SPMIP4: variants seen among roughly 807,000 people sequenced by gnomAD.
SPMIP4 encodes sperm-associated microtubule inner protein 4.
chr7:25,154,135 T>G, the SPMIP4 span, among the ~76,000 whole-genome samples: 1 of 152,198 alleles, frequency 6.6e-6, no homozygotes, highest in Non-Finnish European at 1.5e-5. Context: ...TCTTACATAT[T>G]CCACTATGTT....
At chr7:25,164,187 T>C in the SPMIP4 span, among the ~76,000 whole-genome samples, 6 of 152,190 alleles carry the variant, frequency 3.9e-5, no homozygotes, top group Non-Finnish European at 5.9e-5. Flanking sequence ...GTTATACTTA[T>C]GGTTACACTT....
chr7:25,169,368 C>T, the SPMIP4 span, among the ~76,000 whole-genome samples: 1 of 152,272 alleles, frequency 6.6e-6, no homozygotes, highest in South Asian at 2.1e-4. Flanking sequence ...GCTAAGCCAT[C>T]ATCCCCTATA....
the SPMIP4 span, among the ~76,000 whole-genome samples, chr7:25,144,896 C>T: frequency 6.6e-4 from 101 of 152,066 alleles, no homozygotes; most frequent in East Asian, 0.018. Flanking sequence ...AAAGAAAGCC[C>T]CTTTTGATCT....
At chr7:25,174,064 T>A in the SPMIP4 span, among the ~76,000 whole-genome samples, 1 of 152,254 alleles carries the variant, frequency 6.6e-6, no homozygotes, top group Non-Finnish European at 1.5e-5. The surrounding 1 kb of genome is among the most constrained non-coding windows in gnomAD (Gnocchi z 4.5). Context: ...GGCTCCCATT[T>A]GTTTCTGGAT....
the SPMIP4 span, among the ~76,000 whole-genome samples, chr7:25,170,702 T>G: frequency 6.6e-6 from 1 of 152,252 alleles, no homozygotes; most frequent in Non-Finnish European, 1.5e-5. Context: ...AAGTTAATTT[T>G]GGATACAATA....
chr7:25,141,726 T>C, the SPMIP4 span, among the ~76,000 whole-genome samples: 1 of 151,672 alleles, frequency 6.6e-6, no homozygotes, highest in Non-Finnish European at 1.5e-5. Context: ...AAAAAACCAC[T>C]CTGAAGAAGA....
At chr7:25,162,043 G>C in the SPMIP4 span, among the ~76,000 whole-genome samples, 1 of 151,772 alleles carries the variant, frequency 6.6e-6, no homozygotes, top group Admixed American at 6.6e-5. Flanking sequence ...GGCTGAGGTC[G>C]GCGGATCACT....
chr7:25,178,014 G>A, the SPMIP4 span, among the ~76,000 whole-genome samples: 1 of 152,316 alleles, frequency 6.6e-6, no homozygotes, highest in Non-Finnish European at 1.5e-5. Flanking sequence ...TTGTCTCCAT[G>A]TGTACTCAAT....
At chr7:25,167,085 A>G in the SPMIP4 span, among the ~76,000 whole-genome samples, 1 of 152,232 alleles carries the variant, frequency 6.6e-6, no homozygotes, top group African/African-American at 2.4e-5. Context: ...TAATTCTTAT[A>G]AAGTATTGTG....
chr7:25,151,464 C>T, the SPMIP4 span: 1 of 577,856 alleles, frequency 1.7e-6, no homozygotes, highest in Non-Finnish European at 3.1e-6. Context: ...CTCAAGCAAT[C>T]TGCCCACCTT....
At chr7:25,142,949 CTAGT>C in the SPMIP4 span, 2 of 539,790 alleles carry the variant, frequency 3.7e-6, no homozygotes, top group South Asian at 3.7e-5. Flanking sequence ...TCATTAATTA[CTAGT>C]TAATTACTAA....
chr7:25,152,748 CTT>C, the SPMIP4 span, among the ~76,000 whole-genome samples: 15 of 120,346 alleles, frequency 1.2e-4, no homozygotes, highest in Non-Finnish European at 1.5e-4. Context: ...CGTTGTCTCT[CTT>C]TTTTTTTTTT....
At chr7:25,160,680 T>C in the SPMIP4 span, among the ~76,000 whole-genome samples, 1 of 152,202 alleles carries the variant, frequency 6.6e-6, no homozygotes, top group Non-Finnish European at 1.5e-5. Flanking sequence ...AACAAAATAA[T>C]ACACTTGAAA....
chr7:25,167,396 A>G, the SPMIP4 span, among the ~76,000 whole-genome samples: 1 of 152,230 alleles, frequency 6.6e-6, no homozygotes, highest in Non-Finnish European at 1.5e-5. Flanking sequence ...AAGACATTAC[A>G]GTTCCATGAG....
chr7:25,137,528 A>G, the SPMIP4 span, among the ~76,000 whole-genome samples: 2 of 151,986 alleles, frequency 1.3e-5, no homozygotes, highest in Admixed American at 6.6e-5. Context: ...GCCTCAGTGT[A>G]TTGGCAGGGT....
chr7:25,160,487 C>T, the SPMIP4 span, among the ~76,000 whole-genome samples: 2 of 152,066 alleles, frequency 1.3e-5, no homozygotes, highest in African/African-American at 4.8e-5. Flanking sequence ...TTAGTAGAGA[C>T]AGGGTTTCGC....
the SPMIP4 span, among the ~76,000 whole-genome samples, chr7:25,126,797 GTT>G: frequency 1.3e-5 from 2 of 152,160 alleles, no homozygotes; most frequent in Admixed American, 6.5e-5. Flanking sequence ...CCTTCAGGTG[GTT>G]TCTTATTGCT....
the SPMIP4 span, among the ~76,000 whole-genome samples, chr7:25,136,998 A>G: frequency 6.6e-6 from 1 of 152,190 alleles, no homozygotes; most frequent in Admixed American, 6.6e-5. This position sits in a 1 kb window ranked among gnomAD's most constrained non-coding sequence, Gnocchi z 5.7. Context: ...AGAGAGTATG[A>G]AAGGGGCATG....
At chr7:25,164,985 C>T in the SPMIP4 span, among the ~76,000 whole-genome samples, 1 of 152,308 alleles carries the variant, frequency 6.6e-6, no homozygotes, top group East Asian at 1.9e-4. Flanking sequence ...AGTAGTATTC[C>T]ATGGTATATC....
Sources: allele counts gnomAD v4.1 joint callset (sites outside exome capture counted in the v4.1 genomes callset), GRCh38; gene constraint gnomAD v4.1.1; non-coding constraint Gnocchi (gnomAD v3.1); transcripts MANE v1.5; gene names NCBI Gene and HGNC (gene_info 2026-07-23, HGNC 2026-07-21).